The following KALRN variants were observed in gnomAD, a reference collection of about 807,000 sequenced individuals.
KALRN encodes the protein kalirin.
Under a neutral mutation model 353.7 loss-of-function variants are expected in KALRN, and 70 were observed. The observed-to-expected ratio is 0.20, with a 90% CI of 0.16 to 0.24. The LOEUF (loss-of-function observed/expected upper bound fraction) is 0.24, where lower values mean the gene tolerates loss of function less well. KALRN is among the 10% of genes least tolerant of loss of function. KALRN has a pLI of 1.00. For missense variants in KALRN, 2,791 were observed against 3,756.7 expected (o/e 0.74, Z 6.72); for synonymous variants, 1,391 against 1,434.8 (o/e 0.97, Z 0.69).
chr3:124,379,987 T>A (rs1053869106), intron 10 of KALRN, among the ~76,000 whole-genome samples: 6 of 152,292 alleles, frequency 3.9e-5, no homozygotes, highest in Middle Eastern at 3.4e-3. Flanking sequence ...CTGAAAAAAA[T>A]AACCACTGTG....
At chr3:124,312,443 G>C (rs2078366348) in intron 6 of KALRN, among the ~76,000 whole-genome samples, 1 of 152,176 alleles carries the variant, frequency 6.6e-6, no homozygotes, top group South Asian at 2.1e-4. Flanking sequence ...TCACAGGTGT[G>C]AGCCACTGCG....
intron 34 of KALRN, among the ~76,000 whole-genome samples, chr3:124,596,039 T>G (rs1300825420): frequency 6.6e-6 from 1 of 152,208 alleles, no homozygotes; most frequent in Non-Finnish European, 1.5e-5. Flanking sequence ...GATAGAATGA[T>G]TCTACAAATA....
rs1314339367 is a variant in KALRN at position 124,724,652 on chromosome 3, T to C, written c.*5182T>C. 1 of 152,212 alleles carries C rather than the reference T, an allele frequency of 6.6e-6. No homozygotes were observed. Among genetic ancestry groups the C allele is most frequent in the Non-Finnish European group, 1.5e-5 (1 of 68,028 alleles). 9.4% of individuals were successfully genotyped at this position (152,212 alleles called of 1,614,324 possible). The stretch of plus-strand genomic sequence containing the variant: ...AAGGGTTAAAAAGGGCTGAAATTTG[T>C]TTATAGCACTAAATGTTTTTAATAG... On this transcript the variant is annotated 3_prime_UTR_variant, in exon 60 of 60. Transcript: ENST00000682506.
intron 32 of KALRN, 123 bp from the exon 33 acceptor site, chr3:124,496,188 C>T: frequency 1.5e-6 from 1 of 676,640 alleles, no homozygotes; most frequent in Non-Finnish European, 2.7e-6. Context: ...TAATTTTAGA[C>T]AAATCCCTGC....
chr3:124,409,126 T>C (rs1362216102), intron 13 of KALRN, among the ~76,000 whole-genome samples: 1 of 152,208 alleles, frequency 6.6e-6, no homozygotes, highest in Non-Finnish European at 1.5e-5. Context: ...AGTCATCATT[T>C]CCTAACTGCA....
At chr3:124,661,704 C>A in intron 44 of KALRN, 147 bp from the exon 45 acceptor site, 1 of 693,206 alleles carries the variant, frequency 1.4e-6, no homozygotes, top group East Asian at 2.6e-5. Context: ...CCCACACTCT[C>A]TGAGAGTGGA....
At chr3:124,248,797 G>T (rs1287217281) in intron 3 of KALRN, among the ~76,000 whole-genome samples, 1 of 152,176 alleles carries the variant, frequency 6.6e-6, no homozygotes, top group Admixed American at 6.5e-5. Flanking sequence ...GCATCTCCCA[G>T]ACTGTTCTGT....
intron 1 of KALRN, among the ~76,000 whole-genome samples, chr3:124,064,507 C>T (rs964877077): frequency 1.3e-5 from 2 of 152,096 alleles, no homozygotes; most frequent in African/African-American, 4.8e-5. Flanking sequence ...TGTTTTTCTT[C>T]CTTACTCAAA....
rs1294257800 is a variant in KALRN at position 124,434,443 on chromosome 3, A to T, written c.2966A>T (p.His989Leu). ...IRECAEKVAL[H>L]WQQLMLKMED... ...GAATGTGCTGAGAAGGTGGCCCTCC[A>T]CTGGCAGCAGCTCATGCTGAAGATG... Residue 989 changes from histidine (H) to leucine (L), a missense_variant, in exon 17 of 60, where the codon CAC (histidine) becomes CTC (leucine). Transcript: ENST00000682506. 7 of 1,614,112 alleles carry T rather than the reference A, an allele frequency of 4.3e-6. No homozygotes were observed. The Admixed American group carries it at 1.2e-4, about 27-fold the overall frequency.
At chr3:124,228,137 C>A in intron 2 of KALRN, 73 bp downstream of exon 2, 1 of 1,225,342 alleles carries the variant, frequency 8.2e-7, no homozygotes, top group Non-Finnish European at 1.2e-6. Context: ...TTCAGATTCA[C>A]TTGTGTGTTA....
intron 39 of KALRN, among the ~76,000 whole-genome samples, chr3:124,656,233 G>GAAAAA (rs879342189): frequency 2.1e-5 from 3 of 144,054 alleles, no homozygotes; most frequent in African/African-American, 7.6e-5. Context: ...ACACTTGGAT[G>GAAAAA]AAAAAAAAAA....
intron 42 of KALRN, among the ~76,000 whole-genome samples, chr3:124,658,954 A>G (rs971624081): frequency 6.6e-6 from 1 of 152,224 alleles, no homozygotes; most frequent in Non-Finnish European, 1.5e-5. Flanking sequence ...GAAAGGCAGC[A>G]TCATCACTTA....
chr3:124,609,584 G>A (rs62267607), intron 34 of KALRN, among the ~76,000 whole-genome samples: 14,575 of 152,176 alleles, frequency 0.096, 723 homozygotes, highest in East Asian at 0.13. Flanking sequence ...GAAGAGAGAC[G>A]TGCATTCTCC....
chr3:124,649,624 A>ACAAACAAG (rs1376580206), intron 37 of KALRN, among the ~76,000 whole-genome samples: 9 of 146,292 alleles, frequency 6.2e-5, no homozygotes, highest in Admixed American at 6.1e-4. Flanking sequence ...AAACAAACAA[A>ACAAACAAG]CAAACAAACA....
At chr3:124,655,560 C>G (rs1208214527) in intron 38 of KALRN, 41 bp from the exon 39 acceptor site, 1 of 1,557,566 alleles carries the variant, frequency 6.4e-7, no homozygotes, top group Non-Finnish European at 8.9e-7. Context: ...TTTGGCTTAA[C>G]AATGAAGAGG....
chr3:124,256,747 C>T (rs553124842), intron 3 of KALRN, among the ~76,000 whole-genome samples: 26 of 152,160 alleles, frequency 1.7e-4, no homozygotes, highest in Non-Finnish European at 2.9e-4. Flanking sequence ...GTGGGCAGGA[C>T]CTAACATGCA....
At chr3:124,473,774 C>T (rs1484779461) in intron 25 of KALRN, among the ~76,000 whole-genome samples, 2 of 152,124 alleles carry the variant, frequency 1.3e-5, no homozygotes, top group African/African-American at 4.8e-5. Context: ...ATTCAAATTG[C>T]AGAGTCAAAA....
chr3:124,269,851 A>C (rs2073951189), intron 5 of KALRN, among the ~76,000 whole-genome samples: 1 of 152,208 alleles, frequency 6.6e-6, no homozygotes, highest in Non-Finnish European at 1.5e-5. Flanking sequence ...CTACAGTGAC[A>C]GAGCTGACAT....
At chr3:124,179,290 A>C (rs2073228183) in intron 1 of KALRN, among the ~76,000 whole-genome samples, 1 of 152,042 alleles carries the variant, frequency 6.6e-6, no homozygotes, top group African/African-American at 2.4e-5. Flanking sequence ...AACTTTTAAA[A>C]CTTTTTTTTT....
Sources: allele counts gnomAD v4.1 joint callset (sites outside exome capture counted in the v4.1 genomes callset), GRCh38; gene constraint gnomAD v4.1.1; transcripts MANE v1.5; gene names NCBI Gene and HGNC (gene_info 2026-07-23, HGNC 2026-07-21).